ANKRD36C: variants seen among roughly 807,000 people sequenced by gnomAD.
ANKRD36C encodes the protein ankyrin repeat domain 36C.
In ANKRD36C, 61 loss-of-function variants were observed where a neutral mutation model predicts 276.4. That is an observed-to-expected ratio of 0.22 (90% CI 0.18 to 0.27). ANKRD36C has a LOEUF of 0.27. Among genes scored for constraint, ANKRD36C ranks in the 10% least tolerant of loss-of-function variants. The pLI, the probability that ANKRD36C is intolerant of heterozygous loss-of-function variation, is 1.00. For synonymous variants in ANKRD36C, 483 were observed against 680.1 expected, an observed-to-expected ratio of 0.71 and a Z score of 4.51; for missense variants, 1,447 against 2,032.3, an observed-to-expected ratio of 0.71 and a Z score of 5.54.
intron 1 of ANKRD36C, among the ~76,000 whole-genome samples, chr2:95,990,488 C>A (rs1347905875): frequency 2.0e-5 from 3 of 152,152 alleles, no homozygotes; most frequent in Non-Finnish European, 2.9e-5. Flanking sequence ...TGGAAATTAA[C>A]AGCACATTTT....
At chr2:95,967,517 C>G (rs964291578) in intron 6 of ANKRD36C, among the ~76,000 whole-genome samples, 3 of 152,074 alleles carry the variant, frequency 2.0e-5, no homozygotes, top group South Asian at 2.1e-4. Context: ...TGGAGAAATA[C>G]GAATGCTTTT....
chr2:95,973,320 G>A (rs1678735736), intron 6 of ANKRD36C, among the ~76,000 whole-genome samples: 1 of 152,038 alleles, frequency 6.6e-6, no homozygotes, highest in Non-Finnish European at 1.5e-5. Context: ...GCTGAGGCAG[G>A]AGAAGCGCTT....
chr2:95,991,824 C>T, upstream of ANKRD36C: 1 of 954,576 alleles, frequency 1.0e-6, no homozygotes, highest in Non-Finnish European at 1.5e-6. Flanking sequence ...CGCACAGACT[C>T]TCAGCGCCTC....
chr2:95,929,941 T>C (rs1444138046), intron 24 of ANKRD36C, among the ~76,000 whole-genome samples: 2 of 151,554 alleles, frequency 1.3e-5, no homozygotes, highest in African/African-American at 2.4e-5. Context: ...AGGTATAATA[T>C]ATAAACTTCA....
intron 59 of ANKRD36C, among the ~76,000 whole-genome samples, chr2:95,869,095 CAT>C (rs748294253): frequency 4.0e-5 from 6 of 151,838 alleles, no homozygotes; most frequent in Non-Finnish European, 7.4e-5. Flanking sequence ...TGTCAGAGTA[CAT>C]GTTTTAAAAA....
chr2:95,889,352 G>A (rs545710145), intron 48 of ANKRD36C, among the ~76,000 whole-genome samples: 1 of 151,634 alleles, frequency 6.6e-6, no homozygotes, highest in African/African-American at 2.4e-5. Context: ...ATTCCTTGAG[G>A]AAAATAATTG....
At chr2:95,987,280 A>T (rs1470912812) in intron 1 of ANKRD36C, 74 bp from the exon 2 acceptor site, 3 of 1,480,258 alleles carry the variant, frequency 2.0e-6, no homozygotes, top group Non-Finnish European at 1.8e-6. Context: ...CTGTCTTCAA[A>T]ACAAATATGT....
chr2:95,855,893 G>A (rs767925382), exon 63 of ANKRD36C: 30 of 1,613,594 alleles, frequency 1.9e-5, no homozygotes, highest in East Asian at 4.5e-5. Flanking sequence ...GTCTTTGCCC[G>A]CTCTCTCTTT....
rs1380397879 is a variant in ANKRD36C at position 95,962,504 on chromosome 2, TG to T, written c.828+14del. ...TATAGTTAATAGTTCAAAACAGAAA[TG>T]AATGTGTAATTACCTTCAAGGCTGG... On this transcript the variant is annotated intron_variant, in intron 7 of 66. Transcript: ENST00000456556. The T allele has an allele frequency of 6.2e-7, 1 of 1,600,726 alleles. No homozygotes were observed. The highest frequency in any genetic ancestry group is 8.5e-7 in the Non-Finnish European group (1 of 1,178,006).
At chr2:95,937,296 C>G (rs1334580212) in intron 22 of ANKRD36C, among the ~76,000 whole-genome samples, 3 of 146,664 alleles carry the variant, frequency 2.0e-5, no homozygotes, top group Non-Finnish European at 3.0e-5. Flanking sequence ...CTTGTGAAGA[C>G]TTGGGAAAAT....
At chr2:95,981,796 TAA>T (rs1201537491) in intron 4 of ANKRD36C, among the ~76,000 whole-genome samples, 2 of 152,082 alleles carry the variant, frequency 1.3e-5, no homozygotes, top group African/African-American at 2.4e-5. Flanking sequence ...TTCATTAAAG[TAA>T]AGTTTTATCC....
intron 6 of ANKRD36C, among the ~76,000 whole-genome samples, chr2:95,963,582 C>T (rs1334666472): frequency 3.0e-5 from 4 of 132,468 alleles, no homozygotes; most frequent in Admixed American, 8.0e-5. Context: ...AGAGAAGTAA[C>T]GAGTCACTGT....
In ANKRD36C at chr2:95,912,227, GT is replaced by G; in HGVS notation, c.2653+16del. On this transcript the variant is annotated intron_variant, in intron 42 of 66. Coordinates refer to ENST00000456556, the Ensembl canonical transcript of ANKRD36C. ...ATCTGGACTGCACATGACATTAAAT[GT>G]GTTTTGCAAAATTACCTGTCCTAGA... 1 of 1,544,554 alleles carries G rather than the reference GT, an allele frequency of 6.5e-7. No homozygotes were observed. The highest frequency in any genetic ancestry group is 1.2e-5 in the South Asian group (1 of 84,054).
chr2:95,941,790 A>G (rs562527276), intron 19 of ANKRD36C, among the ~76,000 whole-genome samples: 2 of 152,376 alleles, frequency 1.3e-5, no homozygotes, highest in South Asian at 4.2e-4. Flanking sequence ...GGTCACCCTG[A>G]AAGACATATA....
intron 6 of ANKRD36C, among the ~76,000 whole-genome samples, chr2:95,966,659 T>A (rs1678598344): frequency 2.0e-5 from 3 of 152,158 alleles, no homozygotes; most frequent in African/African-American, 7.2e-5. Context: ...CTTTTTTTGG[T>A]TCCATATGAA....
At chr2:95,984,525 C>T (rs1324130804) in intron 3 of ANKRD36C, among the ~76,000 whole-genome samples, 1 of 152,078 alleles carries the variant, frequency 6.6e-6, no homozygotes, top group Admixed American at 6.5e-5. Flanking sequence ...TGTCTCCAAG[C>T]GATTGTATGT....
intron 42 of ANKRD36C, chr2:95,910,400 C>T (rs570089119): frequency 1.0e-5 from 16 of 1,549,232 alleles, no homozygotes; most frequent in East Asian, 9.7e-5. Context: ...CCATCCTTTT[C>T]TTCTCTGGCT....
At chr2:95,977,595 C>T (rs906150940) in intron 6 of ANKRD36C, among the ~76,000 whole-genome samples, 4 of 151,996 alleles carry the variant, frequency 2.6e-5, no homozygotes, top group Non-Finnish European at 5.9e-5. Flanking sequence ...GCTTCAACTA[C>T]TGCAAAAGCT....
intron 42 of ANKRD36C, 75 bp from the exon 45 acceptor site, chr2:95,910,643 G>C: frequency 6.3e-7 from 1 of 1,595,598 alleles, no homozygotes; most frequent in Non-Finnish European, 8.5e-7. Context: ...TGCAGCGTTA[G>C]CATCAAACTC....
Sources: allele counts gnomAD v4.1 joint callset (sites outside exome capture counted in the v4.1 genomes callset), GRCh38; gene constraint gnomAD v4.1.1; transcripts MANE v1.5; gene names NCBI Gene and HGNC (gene_info 2026-07-23, HGNC 2026-07-21).